The following CARMIL1 variants were observed in gnomAD, a reference collection of about 807,000 sequenced individuals.
CARMIL1 encodes F-actin-uncapping protein LRRC16A.
In CARMIL1, 90 loss-of-function variants were observed where a neutral mutation model predicts 177.1. The observed-to-expected ratio is 0.51, with a 90% CI of 0.43 to 0.61. CARMIL1 has a LOEUF of 0.61. CARMIL1 is among the 20% of genes least tolerant of loss of function. CARMIL1 has a pLI of 0.00. For synonymous variants in CARMIL1, 577 were observed against 606.2 expected, an observed-to-expected ratio of 0.95 and a Z score of 0.71; for missense variants, 1,380 against 1,667.0, an observed-to-expected ratio of 0.83 and a Z score of 3.00.
At chr6:25,290,047 G>A (rs1292592999) in intron 2 of CARMIL1, among the ~76,000 whole-genome samples, 5 of 152,194 alleles carry the variant, frequency 3.3e-5, no homozygotes. Flanking sequence ...TACCAGCAAT[G>A]TATGAGTGGT....
chr6:25,438,646 AT>A lies in CARMIL1; in HGVS notation c.371+3043del, dbSNP rs372497768. Among the ~76,000 whole-genome samples the A allele has an allele frequency of 1.1e-4, 17 of 152,302 alleles. No homozygotes were observed. The South Asian group carries it at 3.5e-3, about 32-fold the overall frequency. ...TGGTATCTCTGAGAAACTGAAAGATATCCACTTTGGCTGGGGTATAATGAAG... is the reference window on the plus strand; with the variant it reads ...TGGTATCTCTGAGAAACTGAAAGATACCACTTTGGCTGGGGTATAATGAAG... On this transcript the variant is annotated intron_variant, in intron 5 of 36. Transcript: ENST00000329474.
At position 25,577,681 on chromosome 6, in the gene CARMIL1, G is replaced by A. The variant is rs911618458; in HGVS notation, c.2743-3243G>A. Reference sequence around the variant, plus strand: ...ACAGGAAAAAAATGTTACGTTGTTTGGAAGGTTCCAAGATTAGTCTTTAAC... The same window carrying A: ...ACAGGAAAAAAATGTTACGTTGTTTAGAAGGTTCCAAGATTAGTCTTTAAC... On this transcript the variant is annotated intron_variant, in intron 29 of 36. Coordinates refer to ENST00000329474, the MANE Select transcript of CARMIL1 (RefSeq NM_017640.6). The surrounding 1 kb of genome is among the most constrained non-coding windows in gnomAD (Gnocchi z 4.5). 6.6e-6 allele frequency among the ~76,000 whole-genome samples: 1 copy of A among 152,022 alleles called. No homozygotes were observed. The highest frequency in any genetic ancestry group is 1.5e-5 in the Non-Finnish European group (1 of 67,996).
intron 11 of CARMIL1, among the ~76,000 whole-genome samples, chr6:25,476,087 G>A (rs556634526): frequency 6.6e-5 from 10 of 152,184 alleles, no homozygotes; most frequent in African/African-American, 2.2e-4. Flanking sequence ...TGATTGATTT[G>A]ATTTTATTCA....
rs1241434644 is a variant in CARMIL1 at position 25,326,590 on chromosome 6, C to T, written c.138+41681C>T. ...GGAAACCTGTAAGAAATGCATACTT[C>T]AAGTCTTATTATGGACTTGCTGATT... is the stretch of plus-strand genomic sequence containing the variant. On this transcript the variant is annotated intron_variant, in intron 2 of 36. Transcript: ENST00000329474. This position sits in a 1 kb window ranked among gnomAD's most constrained non-coding sequence, Gnocchi z 4.2. Among the ~76,000 whole-genome samples, 3 of 152,146 alleles carry T rather than the reference C, an allele frequency of 2.0e-5. No homozygotes were observed. Among genetic ancestry groups the T allele is most frequent in the African/African-American group, 7.2e-5 (3 of 41,428 alleles).
At chr6:25,329,092 C>G (rs1166074337) in intron 2 of CARMIL1, among the ~76,000 whole-genome samples, 2 of 152,234 alleles carry the variant, frequency 1.3e-5, no homozygotes, top group African/African-American at 2.4e-5. Context: ...CCAGATGTCA[C>G]AGGCTGGTGG....
At chr6:25,491,890 A>G in intron 14 of CARMIL1, 58 bp from the exon 15 acceptor site, 1 of 1,574,412 alleles carries the variant, frequency 6.4e-7, no homozygotes, top group Non-Finnish European at 8.7e-7. Flanking sequence ...ACCTCTAATA[A>G]AAGATTCTCC....
chr6:25,608,470 T>C (rs1406827453), intron 35 of CARMIL1, among the ~76,000 whole-genome samples: 2 of 152,204 alleles, frequency 1.3e-5, no homozygotes, highest in African/African-American at 4.8e-5. Flanking sequence ...TTGTATCCCA[T>C]GTGGATAAAG....
chr6:25,488,486 G>T lies in CARMIL1; in HGVS notation c.966G>T (p.Val322=). 1 of 1,613,698 alleles carries T rather than the reference G, an allele frequency of 6.2e-7. No homozygotes were observed. Among genetic ancestry groups the T allele is most frequent in the South Asian group, 1.1e-5 (1 of 91,076 alleles). ...LSKTSLSPKG[V]NSLSQSLSAN... ...TGGATTTTCTTGATGTTGCAGGGGT[G>T]AACAGCCTTTCTCAGTCACTCAGTG... The change falls in exon 13 of 37, where the codon GTG becomes GTT. Residue 322 remains valine (V), a synonymous_variant. Coordinates refer to ENST00000329474, the MANE Select transcript of CARMIL1 (RefSeq NM_017640.6).
At chr6:25,377,549 C>T (rs1791111584) in intron 2 of CARMIL1, among the ~76,000 whole-genome samples, 2 of 152,312 alleles carry the variant, frequency 1.3e-5, no homozygotes, top group South Asian at 4.2e-4. Flanking sequence ...GTGATGTGAC[C>T]TGTCCTCAAG....
chr6:25,499,194 T>TGA (rs1804056382), intron 16 of CARMIL1, among the ~76,000 whole-genome samples: 1 of 152,242 alleles, frequency 6.6e-6, no homozygotes. Context: ...TGGGGTATGC[T>TGA]GAGTGGAGGT....
intron 36 of CARMIL1, among the ~76,000 whole-genome samples, chr6:25,618,374 G>C (rs369981739): frequency 6.6e-6 from 1 of 152,070 alleles, no homozygotes; most frequent in African/African-American, 2.4e-5. Context: ...TGGAACTTCC[G>C]AGTGATGAGG....
At chr6:25,544,397 C>CT (rs1320533368) in intron 26 of CARMIL1, among the ~76,000 whole-genome samples, 3 of 151,648 alleles carry the variant, frequency 2.0e-5, no homozygotes, top group African/African-American at 4.8e-5. Context: ...GGGAGAGGCT[C>CT]TTTTTTTAAA....
At chr6:25,311,564 G>A (rs1466482222) in intron 2 of CARMIL1, among the ~76,000 whole-genome samples, 1 of 152,164 alleles carries the variant, frequency 6.6e-6, no homozygotes, top group Non-Finnish European at 1.5e-5. Context: ...AGCATTAGAT[G>A]GAGATCTGTA....
intron 2 of CARMIL1, among the ~76,000 whole-genome samples, chr6:25,334,365 G>A (rs1010753038): frequency 4.0e-4 from 61 of 152,168 alleles, no homozygotes; most frequent in African/African-American, 1.4e-3. Context: ...TGTACTCCCT[G>A]GCTGTCTCTC....
intron 8 of CARMIL1, among the ~76,000 whole-genome samples, chr6:25,457,482 A>C (rs1562164822): frequency 6.6e-6 from 1 of 152,174 alleles, no homozygotes. Context: ...TATACAAGAC[A>C]TGTCTCTATA....
At chr6:25,479,162 T>G (rs1801858026) in intron 11 of CARMIL1, 2 of 519,016 alleles carry the variant, frequency 3.9e-6, no homozygotes, top group Non-Finnish European at 7.7e-6. Flanking sequence ...CAGACTTACC[T>G]TGTGGTTTGC....
chr6:25,606,037 T>G (rs2151321372), intron 34 of CARMIL1, 24 bp from the exon 35 acceptor site: 1 of 1,577,008 alleles, frequency 6.3e-7, no homozygotes, highest in African/African-American at 1.4e-5. Context: ...CCTTTGATTT[T>G]TAAAGTGGCC....
rs796889801 is a variant in CARMIL1 at position 25,609,421 on chromosome 6, G to A, written c.3848-629G>A. On this transcript the variant is annotated intron_variant, in intron 35 of 36. Transcript: ENST00000329474. ...GCGGAGGTTGCAGTGAGCCGGGATCGCACCACTGCACTCCAGCCTGGGCAA... is the reference window on the plus strand; with the variant it reads ...GCGGAGGTTGCAGTGAGCCGGGATCACACCACTGCACTCCAGCCTGGGCAA... 3.4e-5 allele frequency among the ~76,000 whole-genome samples: 5 copies of A among 149,208 alleles called. No homozygotes were observed. The South Asian group carries it at 8.5e-4, about 25-fold the overall frequency.
chr6:25,540,153 T>C, intron 26 of CARMIL1, 75 bp downstream of exon 26: 3 of 1,366,926 alleles, frequency 2.2e-6, no homozygotes, highest in Non-Finnish European at 2.9e-6. Flanking sequence ...ATTCCATAGC[T>C]ATCTATGTTT....
Sources: allele counts gnomAD v4.1 joint callset (sites outside exome capture counted in the v4.1 genomes callset), GRCh38; gene constraint gnomAD v4.1.1; non-coding constraint Gnocchi (gnomAD v3.1); transcripts MANE v1.5; gene names NCBI Gene and HGNC (gene_info 2026-07-23, HGNC 2026-07-21).